Variants in NF1 observed in about 807,000 individuals in gnomAD.
The protein encoded by NF1 is neurofibromin.
NF1 carries 122 observed loss-of-function variants against 325.7 expected under a neutral mutation model. The ratio of observed to expected loss-of-function variants is 0.37; its 90% CI spans 0.32 to 0.44. The LOEUF is 0.44. Among genes scored for constraint, NF1 ranks in the 20% least tolerant of loss-of-function variants. The probability of loss-of-function intolerance (pLI) is 1.00; values close to 1 mark genes in which losing one functional copy is unlikely to be tolerated. For missense variants in NF1, 2,140 were observed against 3,415.4 expected, an observed-to-expected ratio of 0.63 and a Z score of 9.31; for synonymous variants, 1,091 against 1,186.0, an observed-to-expected ratio of 0.92 and a Z score of 1.65.
intron 5 of NF1, among the ~76,000 whole-genome samples, chr17:31,172,357 CTCTCTCTCTCTCTCTT>C (rs1567821815): frequency 4.0e-5 from 6 of 150,146 alleles, no homozygotes; most frequent in Admixed American, 6.6e-5. Context: ...CTCTGTCTCT[CTCTCTCTCTCTCTCTT>C]TCTCTCTTTC....
chr17:31,219,640 CT>C (rs944378306), intron 14 of NF1, among the ~76,000 whole-genome samples: 13 of 138,758 alleles, frequency 9.4e-5, no homozygotes, highest in East Asian at 9.3e-4. Flanking sequence ...CCCCTCCCCC[CT>C]AAGTAGTTCT....
intron 36 of NF1, chr17:31,314,070 A>C: frequency 2.5e-6 from 1 of 398,080 alleles, no homozygotes; most frequent in Non-Finnish European, 4.4e-6. Context: ...GGGTGGTTCA[A>C]TTCAGATTTA....
intron 1 of NF1, among the ~76,000 whole-genome samples, chr17:31,099,268 A>C (rs1597555041): frequency 6.6e-6 from 1 of 152,204 alleles, no homozygotes; most frequent in African/African-American, 2.4e-5. Flanking sequence ...GACTCAGTTA[A>C]AAGAAGTGGA....
chr17:31,259,213 G>C (rs1226995478), intron 33 of NF1, 84 bp downstream of exon 33: 1 of 919,496 alleles, frequency 1.1e-6, no homozygotes, highest in Non-Finnish European at 1.7e-6. Context: ...TGTTTTACAT[G>C]AAGTTCCTGT....
chr17:31,281,678 A>G (rs1373595020), intron 36 of NF1, among the ~76,000 whole-genome samples: 2 of 152,066 alleles, frequency 1.3e-5, no homozygotes, highest in East Asian at 3.9e-4. Flanking sequence ...CTTTCCATTT[A>G]ATACCCATCT....
chr17:31,350,935 T>C (rs913582853), intron 50 of NF1, among the ~76,000 whole-genome samples: 1 of 152,222 alleles, frequency 6.6e-6, no homozygotes, highest in East Asian at 1.9e-4. Context: ...AGAAAAGTTA[T>C]CTTCTGTTCG....
In NF1 at chr17:31,233,079, G is replaced by A. The variant is rs1442037817; in HGVS notation, c.3574G>A (p.Glu1192Lys). 1 of 1,614,194 alleles carries A rather than the reference G, an allele frequency of 6.2e-7. No homozygotes were observed. Among genetic ancestry groups the A allele is most frequent in the South Asian group, 1.1e-5 (1 of 91,076 alleles). Residue 1192 changes from glutamate to lysine, a missense_variant, in exon 27 of 58, where the codon GAA (glutamate) becomes AAA (lysine). By Grantham distance (56) the Glu-to-Lys change is moderately conservative. Coordinates refer to ENST00000358273, the MANE Select transcript of NF1 (RefSeq NM_001042492.3). ...GACAAAAATCCTTCAACAAGGCACAGAATTTGACACACTTGCAGAAACAGT... is the reference window on the plus strand; with the variant it reads ...GACAAAAATCCTTCAACAAGGCACAAAATTTGACACACTTGCAGAAACAGT... ...VLTKILQQGT[E>K]FDTLAETVLA...
At position 31,173,282 on chromosome 17, in the gene NF1, C is replaced by T. The variant is rs545672125; in HGVS notation, c.586+3285C>T. ...AAAATTAGCCAGTCGTAGTGGTGGG[C>T]GCCTGTAGTCCCAGCTTCTTGGGAG... On this transcript the variant is annotated intron_variant, in intron 5 of 57. Coordinates refer to ENST00000358273, the MANE Select transcript of NF1 (RefSeq NM_001042492.3). Among the ~76,000 whole-genome samples, 142 of 152,184 alleles carry T rather than the reference C, an allele frequency of 9.3e-4. 1 individual carries two copies. The Middle Eastern group carries it at 0.017, about 18-fold the overall frequency.
At chr17:31,372,527 A>G (rs958710063) in intron 57 of NF1, among the ~76,000 whole-genome samples, 3 of 152,208 alleles carry the variant, frequency 2.0e-5, no homozygotes, top group African/African-American at 7.2e-5. Context: ...TTGAAAATCC[A>G]TCATCTACAT....
intron 25 of NF1, among the ~76,000 whole-genome samples, 186 bp from the exon 26 acceptor site, chr17:31,232,514 G>A (rs2067129995): frequency 6.6e-6 from 1 of 152,052 alleles, no homozygotes; most frequent in South Asian, 2.1e-4. Context: ...GGCTATATCA[G>A]GTAAAATCAT....
chr17:31,158,976 C>T, intron 2 of NF1, 34 bp from the exon 3 acceptor site: 4 of 1,354,538 alleles, frequency 3.0e-6, no homozygotes, highest in Non-Finnish European at 4.2e-6. Flanking sequence ...GAAAGTGAAA[C>T]TAACTTTTAT....
In NF1 at chr17:31,377,422, T is replaced by C. The variant is rs752884088; in HGVS notation, c.*3267T>C. The stretch of plus-strand genomic sequence containing the variant: ...TGCTGTGTATTGTAAACTTAAATTG[T>C]ATATGATAACTTACTGTCCTTTCCA... On this transcript the variant is annotated 3_prime_UTR_variant, in exon 58 of 58. Transcript: ENST00000358273. 1 of 233,312 alleles carries C rather than the reference T, an allele frequency of 4.3e-6. No homozygotes were observed. The highest frequency in any genetic ancestry group is 6.1e-5 in the East Asian group (1 of 16,526). The allele number at this position is 233,312 out of a possible 1,614,324, so 14.5% of individuals were successfully genotyped here. A position where few individuals can be genotyped will look rare whatever the true frequency, so the allele number is the denominator to read the frequency against.
At position 31,201,392 on chromosome 17, in the gene NF1, T is replaced by A. The variant is rs772566923; in HGVS notation, c.1186-19T>A. The stretch of plus-strand genomic sequence containing the variant: ...TTTTCTCATAGAAATAATCTGCTTT[T>A]TTTTTTCTTTTTCTATAGATCTGCC... On this transcript the variant is annotated intron_variant, in intron 10 of 57. Transcript: ENST00000358273. 65 of 1,601,604 alleles carry A rather than the reference T, an allele frequency of 4.1e-5. No individual in the cohort carries two copies. Among genetic ancestry groups the A allele is most frequent in the Non-Finnish European group, 5.0e-5 (59 of 1,171,156 alleles).
chr17:31,139,876 T>C (rs1383601576), intron 1 of NF1, among the ~76,000 whole-genome samples: 1 of 152,200 alleles, frequency 6.6e-6, no homozygotes, highest in Non-Finnish European at 1.5e-5. Context: ...CGTTGGTGGG[T>C]CTCTTCCTCT....
In NF1 at chr17:31,336,670, A is replaced by T. The variant is rs1225702258; in HGVS notation, c.6183A>T (p.Thr2061=). 2 of 1,613,670 alleles carry T rather than the reference A, an allele frequency of 1.2e-6. No homozygotes were observed. The highest frequency in any genetic ancestry group is 1.1e-5 in the South Asian group (1 of 91,068). The change falls in exon 42 of 58, where the codon ACA becomes ACT. Residue 2061 remains threonine (T), a synonymous_variant. Coordinates refer to ENST00000358273, the MANE Select transcript of NF1 (RefSeq NM_001042492.3). The surrounding 1 kb of genome is among the most constrained non-coding windows in gnomAD (Gnocchi z 5.5). ...IGRMCKIIDK[T]CLSPTPTLEQ... ...GGATGTGCAAAATAATTGACAAGAC[A>T]TGCTTATCTCCAACTCCTACTTTAG...
chr17:31,263,117 AGAT>A (rs1276530528), intron 35 of NF1, among the ~76,000 whole-genome samples: 966 of 79,996 alleles, frequency 0.012, 10 homozygotes, highest in Middle Eastern at 0.05. Context: ...GTAGATAGAT[AGAT>A]AGATAAGATA....
chr17:31,153,558 A>G (rs748566856), intron 1 of NF1, among the ~76,000 whole-genome samples: 7 of 152,216 alleles, frequency 4.6e-5, no homozygotes, highest in Non-Finnish European at 8.8e-5. Flanking sequence ...TCCTCTTGTC[A>G]GATCCATTAG....
chr17:31,109,468 C>T (rs1054493577), intron 1 of NF1, among the ~76,000 whole-genome samples: 1 of 151,980 alleles, frequency 6.6e-6, no homozygotes, highest in African/African-American at 2.4e-5. Flanking sequence ...ACTGCAACCT[C>T]CGCCTCCCAG....
intron 11 of NF1, among the ~76,000 whole-genome samples, chr17:31,204,538 A>G (rs566462804): frequency 8.2e-4 from 125 of 152,206 alleles, no homozygotes; most frequent in Middle Eastern, 6.8e-3. Context: ...CTAGTTTTTC[A>G]TACTTATTTT....
Sources: allele counts gnomAD v4.1 joint callset (sites outside exome capture counted in the v4.1 genomes callset), GRCh38; gene constraint gnomAD v4.1.1; non-coding constraint Gnocchi (gnomAD v3.1); transcripts MANE v1.5; gene names NCBI Gene and HGNC (gene_info 2026-07-23, HGNC 2026-07-21).